Variants in SEL1L observed in about 807,000 individuals in gnomAD.
The protein encoded by SEL1L is SEL1L adaptor subunit of SYVN1 ubiquitin ligase.
Under a neutral mutation model 109.8 loss-of-function variants are expected in SEL1L, and 52 were observed. The ratio of observed to expected loss-of-function variants is 0.47; its 90% CI spans 0.38 to 0.60. The LOEUF (loss-of-function observed/expected upper bound fraction) is 0.60, where lower values mean the gene tolerates loss of function less well. SEL1L is among the 20% of genes least tolerant of loss of function. SEL1L has a pLI of 0.00. For missense variants in SEL1L, 749 were observed against 962.2 expected (o/e 0.78, Z 2.93); for synonymous variants, 373 against 339.6 (o/e 1.10, Z -1.08).
Position 81,485,729 on chromosome 14 carries a change from C to A in SEL1L, c.1816G>T (p.Gly606Cys), listed in dbSNP as rs1903500545. 1 of 1,613,942 alleles carries A rather than the reference C, an allele frequency of 6.2e-7. No individual in the cohort carries two copies. The highest frequency in any genetic ancestry group is 1.7e-5 in the Admixed American group (1 of 60,002). The change falls in exon 18 of 21, where the codon GGT (glycine) becomes TGT (cysteine). Residue 606 changes from glycine to cysteine, a missense_variant. Coordinates refer to ENST00000336735, the MANE Select transcript of SEL1L (RefSeq NM_005065.6). ...ILDQREASIV[G>C]ENETYPRALL... ...GCTCTGGGATAAGTTTCATTCTCAC[C>A]TACAATGCTTGCTTCTCCTACAGGA...
intron 10 of SEL1L, among the ~76,000 whole-genome samples, chr14:81,495,880 G>A (rs909157589): frequency 6.6e-6 from 1 of 152,104 alleles, no homozygotes; most frequent in Non-Finnish European, 1.5e-5. Flanking sequence ...AGGTTAAGGT[G>A]TGCCGAGATC....
At chr14:81,510,218 A>C (rs1184465547) in intron 3 of SEL1L, among the ~76,000 whole-genome samples, 1 of 152,202 alleles carries the variant, frequency 6.6e-6, no homozygotes, top group Non-Finnish European at 1.5e-5. Context: ...AGAAGAGTAG[A>C]TTTAGCAGTC....
intron 4 of SEL1L, among the ~76,000 whole-genome samples, chr14:81,505,160 TCTTTAC>T (rs1224166342): frequency 6.6e-6 from 1 of 152,228 alleles, no homozygotes; most frequent in Non-Finnish European, 1.5e-5. Context: ...ATACTGTATA[TCTTTAC>T]AAGGTGAAAA....
chr14:81,480,427 A>G (rs966330579), intron 19 of SEL1L, among the ~76,000 whole-genome samples: 2 of 152,080 alleles, frequency 1.3e-5, no homozygotes, highest in African/African-American at 4.8e-5. Context: ...CTGACCTCGT[A>G]ATCCGCCCGC....
At chr14:81,498,767 C>T (rs1883886379) in intron 8 of SEL1L, 2 of 258,388 alleles carry the variant, frequency 7.7e-6, no homozygotes, top group African/African-American at 2.2e-5. Context: ...GTGCATTTTA[C>T]TCATAAGAGA....
Position 81,476,345 on chromosome 14 carries a change from T to C in SEL1L, c.*627A>G, listed in dbSNP as rs1011951272. On this transcript the variant is annotated 3_prime_UTR_variant, in exon 21 of 21. Transcript: ENST00000336735. ...TTTCATTCTTTGAAGGAGAGGAGTATGGTATACCGTGTGACAATCACCAAT... is the reference window on the plus strand; with the variant it reads ...TTTCATTCTTTGAAGGAGAGGAGTACGGTATACCGTGTGACAATCACCAAT... 1 of 152,242 alleles carries C rather than the reference T, an allele frequency of 6.6e-6. No homozygotes were observed. Among genetic ancestry groups the C allele is most frequent in the African/African-American group, 2.4e-5 (1 of 41,450 alleles). The allele number at this position is 152,242 out of a possible 1,614,324, so 9.4% of individuals were successfully genotyped here. A position where few individuals can be genotyped will look rare whatever the true frequency, so the allele number is the denominator to read the frequency against.
intron 3 of SEL1L, among the ~76,000 whole-genome samples, chr14:81,510,940 G>A (rs1415884901): frequency 6.6e-6 from 1 of 152,138 alleles, no homozygotes; most frequent in African/African-American, 2.4e-5. Context: ...CAAGGACTAT[G>A]AACAAAGCAC....
At chr14:81,513,402 G>T (rs558102422) in intron 3 of SEL1L, among the ~76,000 whole-genome samples, 3 of 152,190 alleles carry the variant, frequency 2.0e-5, no homozygotes, top group Non-Finnish European at 4.4e-5. Context: ...GAAGGTCTGC[G>T]GCTTCACTCC....
rs1903017404 is a variant in SEL1L at position 81,471,618 on chromosome 14, T to A, written c.*5354A>T. On this transcript the variant is annotated 3_prime_UTR_variant, in exon 21 of 21. Coordinates refer to ENST00000336735, the MANE Select transcript of SEL1L (RefSeq NM_005065.6). ...CTAACCACATTCCACTCAACTTACA[T>A]GAGAAAAAATTGTGTGGTTTTTAGA... is the stretch of plus-strand genomic sequence containing the variant. 1 of 152,168 alleles carries A rather than the reference T, an allele frequency of 6.6e-6. No homozygotes were observed. Among genetic ancestry groups the A allele is most frequent in the African/African-American group, 2.4e-5 (1 of 41,430 alleles). 9.4% of individuals were successfully genotyped at this position (152,168 alleles called of 1,614,324 possible). A position where few individuals can be genotyped will look rare whatever the true frequency, so the allele number is the denominator to read the frequency against.
chr14:81,504,605 T>C (rs976341455), intron 4 of SEL1L, among the ~76,000 whole-genome samples: 3 of 152,134 alleles, frequency 2.0e-5, no homozygotes, highest in African/African-American at 7.2e-5. Context: ...TTTTTAAATA[T>C]AATTCAACTA....
chr14:81,485,608 A>G (rs1373141719), intron 18 of SEL1L, 64 bp downstream of exon 18: 1 of 1,352,028 alleles, frequency 7.4e-7, no homozygotes, highest in Non-Finnish European at 1.1e-6. Flanking sequence ...TTTAATGTTC[A>G]TGGGAGATAA....
intron 18 of SEL1L, 51 bp from the exon 19 acceptor site, chr14:81,484,448 A>G (rs1315401370): frequency 6.6e-7 from 1 of 1,508,808 alleles, no homozygotes; most frequent in African/African-American, 1.4e-5. Flanking sequence ...TATGTTTAAA[A>G]CAGATCAAAC....
intron 3 of SEL1L, among the ~76,000 whole-genome samples, chr14:81,512,090 T>C (rs942217462): frequency 1.6e-4 from 24 of 152,234 alleles, no homozygotes; most frequent in African/African-American, 5.8e-4. Flanking sequence ...TGGGCCATAG[T>C]GCCCAGATAT....
chr14:81,519,555 G>C (rs980393288), intron 3 of SEL1L, among the ~76,000 whole-genome samples: 7 of 152,226 alleles, frequency 4.6e-5, no homozygotes, highest in Admixed American at 2.0e-4. Context: ...GTCAGGCCTT[G>C]TAAATAGAAG....
At chr14:81,518,298 A>T (rs939879424) in intron 3 of SEL1L, among the ~76,000 whole-genome samples, 3 of 128,992 alleles carry the variant, frequency 2.3e-5, no homozygotes, top group Admixed American at 7.2e-5. Flanking sequence ...GCAGCTGATT[A>T]AAAAAAAAAA....
In SEL1L at chr14:81,489,316, TGCAAA is replaced by T; in HGVS notation, c.1333-7_1333-3del. ...CCCACTCTGTCCAACTGGGTTGCCC[TGCAAA>T]GCAGAGAAATCAGACAAAAGAGTGA... is the stretch of plus-strand genomic sequence containing the variant. On this transcript the variant is annotated splice_region_variant and splice_polypyrimidine_tract_variant and intron_variant, in intron 13 of 20. Transcript: ENST00000336735. 6.2e-7 allele frequency: 1 copy of T among 1,613,394 alleles called. No homozygotes were observed. The highest frequency in any genetic ancestry group is 1.3e-5 in the African/African-American group (1 of 75,018).
At position 81,472,591 on chromosome 14, in the gene SEL1L, G is replaced by A. The variant is rs546386313; in HGVS notation, c.*4381C>T. On this transcript the variant is annotated 3_prime_UTR_variant, in exon 21 of 21. Transcript: ENST00000336735. ...CCTCTTAAAAAATTCCTGGGACAAG[G>A]CAATGCATAAACAAACTTTAGATAA... 8.7e-6 allele frequency: 4 copies of A among 458,920 alleles called. No homozygotes were observed. Among genetic ancestry groups the A allele is most frequent in the East Asian group, 6.7e-5 (1 of 14,962 alleles). The allele number at this position is 458,920 out of a possible 1,614,324, so 28.4% of individuals were successfully genotyped here. A position where few individuals can be genotyped will look rare whatever the true frequency, so the allele number is the denominator to read the frequency against.
chr14:81,519,758 T>G (rs1884838026), intron 3 of SEL1L, among the ~76,000 whole-genome samples: 1 of 152,310 alleles, frequency 6.6e-6, no homozygotes, highest in Non-Finnish European at 1.5e-5. Flanking sequence ...AACCTACATT[T>G]ATTTTTAAGA....
chr14:81,498,304 A>G, intron 9 of SEL1L, 109 bp downstream of exon 9: 1 of 949,204 alleles, frequency 1.1e-6, no homozygotes, highest in Non-Finnish European at 1.6e-6. Flanking sequence ...ATGAGTCCAC[A>G]TAAAAGAGCC....
Sources: allele counts gnomAD v4.1 joint callset (sites outside exome capture counted in the v4.1 genomes callset), GRCh38; gene constraint gnomAD v4.1.1; transcripts MANE v1.5; gene names NCBI Gene and HGNC (gene_info 2026-07-23, HGNC 2026-07-21).